GAL3ST2: variants seen among roughly 807,000 people sequenced by gnomAD.
GAL3ST2 encodes the protein beta-galactose-3-O-sulfotransferase 2.
In GAL3ST2, 16 loss-of-function variants were observed where a neutral mutation model predicts 12.9. The ratio of observed to expected loss-of-function variants is 1.24; its 90% CI spans 0.84 to 1.88. The LOEUF (loss-of-function observed/expected upper bound fraction) is 1.88. GAL3ST2 is among the 40% of genes most tolerant of loss of function. GAL3ST2 has a pLI of 0.00. For synonymous variants in GAL3ST2, 302 were observed against 273.9 expected (o/e 1.10, Z -1.01); for missense variants, 639 against 571.8 (o/e 1.12, Z -1.20).
At chr2:241,792,134 C>T (rs983817011) in intron 1 of GAL3ST2, among the ~76,000 whole-genome samples, 1 of 151,680 alleles carries the variant, frequency 6.6e-6, no homozygotes, top group Non-Finnish European at 1.5e-5. Flanking sequence ...CTCCCTCAGC[C>T]TCCCTAGTAG....
chr2:241,782,146 G>T (rs1490384240), intron 1 of GAL3ST2, among the ~76,000 whole-genome samples: 2 of 152,072 alleles, frequency 1.3e-5, no homozygotes, highest in Non-Finnish European at 2.9e-5. Flanking sequence ...TGTTAATCTG[G>T]CACAGGCCCA....
intron 1 of GAL3ST2, among the ~76,000 whole-genome samples, chr2:241,794,110 C>T (rs1369994172): frequency 6.6e-6 from 1 of 152,014 alleles, no homozygotes; most frequent in Non-Finnish European, 1.5e-5. Context: ...TCACACCTGG[C>T]TAATTTTTGT....
chr2:241,777,030 T>A, intron 1 of GAL3ST2, 46 bp downstream of exon 1: 1 of 1,436,748 alleles, frequency 7.0e-7, no homozygotes. Flanking sequence ...GCGCTTCATC[T>A]GTGGCTATTC....
chr2:241,780,879 T>A lies in GAL3ST2; in HGVS notation c.29+3895T>A, dbSNP rs143030559. 1.4e-3 allele frequency among the ~76,000 whole-genome samples: 206 copies of A among 152,318 alleles called. 1 individual carries two copies. Among genetic ancestry groups the A allele is most frequent in the African/African-American group, 4.7e-3 (197 of 41,574 alleles). On this transcript the variant is annotated intron_variant, in intron 1 of 3. Transcript: ENST00000192314. The stretch of plus-strand genomic sequence containing the variant: ...ACTTGCCACAGGTCAGGAACCCTGT[T>A]CGGGGACTCTGTAGACAAAAGTATG...
At position 241,798,932 on chromosome 2, in the gene GAL3ST2, G is replaced by A. The variant is rs979640488; in HGVS notation, c.30-133G>A. 1.8e-5 allele frequency: 13 copies of A among 723,344 alleles called. No homozygotes were observed. In the African/African-American group the frequency reaches 1.9e-4, roughly 11 times the overall value. 44.8% of individuals were successfully genotyped at this position (723,344 alleles called of 1,614,324 possible). ...ATGGGCCGGCACCCAGTGGGTTTGAGGACAAGACGTTACAGAGGTGAGGGG... is the reference window on the plus strand; with the variant it reads ...ATGGGCCGGCACCCAGTGGGTTTGAAGACAAGACGTTACAGAGGTGAGGGG... On this transcript the variant is annotated intron_variant, in intron 1 of 3. Coordinates refer to ENST00000192314, the MANE Select transcript of GAL3ST2 (RefSeq NM_022134.3).
intron 1 of GAL3ST2, among the ~76,000 whole-genome samples, chr2:241,779,981 C>T (rs980244286): frequency 9.5e-5 from 14 of 147,476 alleles, no homozygotes; most frequent in Non-Finnish European, 2.1e-4. Context: ...AGCACAATCC[C>T]GTCTCAAAAA....
chr2:241,796,109 A>G (rs1402472165), intron 1 of GAL3ST2, among the ~76,000 whole-genome samples: 3 of 152,146 alleles, frequency 2.0e-5, no homozygotes, highest in Non-Finnish European at 4.4e-5. Flanking sequence ...CGAGACCCAC[A>G]CCCTTGGTGT....
chr2:241,797,886 C>T (rs140059875), intron 1 of GAL3ST2, among the ~76,000 whole-genome samples: 1 of 152,218 alleles, frequency 6.6e-6, no homozygotes, highest in Admixed American at 6.5e-5. Context: ...CCAGTCCAAG[C>T]AGGAAGCTCA....
At position 241,802,354 on chromosome 2, in the gene GAL3ST2, G is replaced by A. The variant is rs1042707055; in HGVS notation, c.375+318G>A. ...CGGCTCTCCCCACCCTGTGACCTTCGCTTCTGTGGCTGCAGGCCCTTCTTT... is the reference window on the plus strand; with the variant it reads ...CGGCTCTCCCCACCCTGTGACCTTCACTTCTGTGGCTGCAGGCCCTTCTTT... On this transcript the variant is annotated intron_variant, in intron 3 of 3. Coordinates refer to ENST00000192314, the MANE Select transcript of GAL3ST2 (RefSeq NM_022134.3). The surrounding 1 kb of genome is among the most constrained non-coding windows in gnomAD (Gnocchi z 4.8). Among the ~76,000 whole-genome samples the A allele has an allele frequency of 3.3e-5, 5 of 152,166 alleles. No individual in the cohort carries two copies. The highest frequency in any genetic ancestry group is 1.2e-4 in the African/African-American group (5 of 41,432).
rs547650981 is a variant in GAL3ST2 at position 241,776,975 on chromosome 2, G to A, written c.20G>A (p.Gly7Asp). The change falls in exon 1 of 4, where the codon GGC becomes GAC. Residue 7 changes from glycine to aspartate, a missense_variant. Coordinates refer to ENST00000192314, the MANE Select transcript of GAL3ST2 (RefSeq NM_022134.3). ...GCCAAGATGATGTCCATGCTGGGCGGCTTGCAGAGGTAAGGGGGGCAGTTG... is the reference window on the plus strand; with the variant it reads ...GCCAAGATGATGTCCATGCTGGGCGACTTGCAGAGGTAAGGGGGGCAGTTG... MMSMLG[G>D]LQRYFRVILL... 42 of 1,550,436 alleles carry A rather than the reference G, an allele frequency of 2.7e-5. No homozygotes were observed. Among genetic ancestry groups the A allele is most frequent in the Non-Finnish European group, 3.5e-5 (40 of 1,143,706 alleles).
rs1457334235 is a variant in GAL3ST2 at position 241,795,384 on chromosome 2, A to G, written c.30-3681A>G. ...ATGCTGCCGCAAGGCCAAGGGGGGT[A>G]TTGTAAGTGTGAAAGCAGCATCTCA... On this transcript the variant is annotated intron_variant, in intron 1 of 3. Transcript: ENST00000192314. The surrounding 1 kb of genome is among the most constrained non-coding windows in gnomAD (Gnocchi z 4.5). Among the ~76,000 whole-genome samples the G allele has an allele frequency of 2.6e-5, 4 of 152,182 alleles. No individual in the cohort carries two copies. Among genetic ancestry groups the G allele is most frequent in the Non-Finnish European group, 5.9e-5 (4 of 68,028 alleles).
intron 1 of GAL3ST2, among the ~76,000 whole-genome samples, chr2:241,784,743 T>A (rs1699608568): frequency 6.6e-6 from 1 of 152,228 alleles, no homozygotes; most frequent in African/African-American, 2.4e-5. Context: ...TCTTACTGAT[T>A]TATAAAGACT....
In GAL3ST2 at chr2:241,802,185, G is replaced by C. The variant is rs1699861565; in HGVS notation, c.375+149G>C. ...CGGGTTGGGAGGGCCTGGGCCGCACGCCCTGCTGAGCCAACCCCTGCCCCT... is the reference window on the plus strand; with the variant it reads ...CGGGTTGGGAGGGCCTGGGCCGCACCCCCTGCTGAGCCAACCCCTGCCCCT... On this transcript the variant is annotated intron_variant, in intron 3 of 3. Coordinates refer to ENST00000192314, the MANE Select transcript of GAL3ST2 (RefSeq NM_022134.3). The surrounding 1 kb of genome is among the most constrained non-coding windows in gnomAD (Gnocchi z 4.8). 9.8e-7 allele frequency: 1 copy of C among 1,018,874 alleles called. No individual in the cohort carries two copies. The highest frequency in any genetic ancestry group is 2.6e-5 in the East Asian group (1 of 38,014). The allele number at this position is 1,018,874 out of a possible 1,614,324, so 63.1% of individuals were successfully genotyped here. A position where few individuals can be genotyped will look rare whatever the true frequency, so the allele number is the denominator to read the frequency against.
At chr2:241,779,265 GCTCT>G (rs1336595856) in intron 1 of GAL3ST2, among the ~76,000 whole-genome samples, 1 of 109,336 alleles carries the variant, frequency 9.1e-6, no homozygotes, top group African/African-American at 3.5e-5. Context: ...ACGGAGTCTC[GCTCT>G]CTCTCCCAGT....
Position 241,801,741 on chromosome 2 carries a change from C to A in GAL3ST2, c.120-40C>A. 6.3e-7 allele frequency: 1 copy of A among 1,595,968 alleles called. No individual in the cohort carries two copies. Among genetic ancestry groups the A allele is most frequent in the Non-Finnish European group, 8.5e-7 (1 of 1,171,820 alleles). The stretch of plus-strand genomic sequence containing the variant: ...CGCTGTTGGGCGGGGGTTGGGGCAT[C>A]TGCACCCTTGCTGAAGGCTGCGTGT... On this transcript the variant is annotated intron_variant, in intron 2 of 3. Transcript: ENST00000192314. This position sits in a 1 kb window ranked among gnomAD's most constrained non-coding sequence, Gnocchi z 4.4.
rs1234339338 is a variant in GAL3ST2, at chr2:241,803,232, T to A, written c.376-113T>A. 3 of 838,944 alleles carry A rather than the reference T, an allele frequency of 3.6e-6. No individual in the cohort carries two copies. The East Asian group carries it at 8.3e-5, about 23-fold the overall frequency. The allele number at this position is 838,944 out of a possible 1,614,324, so 52.0% of individuals were successfully genotyped here. On this transcript the variant is annotated intron_variant, in intron 3 of 3. Coordinates refer to ENST00000192314, the MANE Select transcript of GAL3ST2 (RefSeq NM_022134.3). ...CCAGGCCCAGGTTCCTCGGCAGATG[T>A]GAGGATGGGGGTGCTCCTTGAGCGG...
At chr2:241,798,006 C>T (rs1181323726) in intron 1 of GAL3ST2, among the ~76,000 whole-genome samples, 1 of 152,164 alleles carries the variant, frequency 6.6e-6, no homozygotes, top group Non-Finnish European at 1.5e-5. Context: ...ACGTGGCAAC[C>T]CCCCATCACT....
At chr2:241,785,414 G>A (rs536102983) in intron 1 of GAL3ST2, among the ~76,000 whole-genome samples, 51 of 152,162 alleles carry the variant, frequency 3.4e-4, no homozygotes, top group East Asian at 1.2e-3. Flanking sequence ...TTAGCCAGGC[G>A]TGGTGGTGGG....
chr2:241,796,067 G>A (rs1414181823), intron 1 of GAL3ST2, among the ~76,000 whole-genome samples: 1 of 152,192 alleles, frequency 6.6e-6, no homozygotes, highest in African/African-American at 2.4e-5. Flanking sequence ...AGAAATTTTG[G>A]GAGGTCCTAG....
Sources: gnomAD v4.1 joint callset for allele counts (sites outside exome capture counted in the v4.1 genomes callset) on GRCh38, gnomAD v4.1.1 for gene constraint, Gnocchi (gnomAD v3.1) non-coding constraint, MANE v1.5 for transcripts, NCBI Gene and HGNC (gene_info 2026-07-23, HGNC 2026-07-21) for gene names.